The following TRIM24 variants were observed in gnomAD, a reference collection of about 807,000 sequenced individuals.
The protein encoded by TRIM24 is tripartite motif containing 24, also known as transcription intermediary factor 1-alpha.
In TRIM24, 29 loss-of-function variants were observed where a neutral mutation model predicts 123.9. That is an observed-to-expected ratio of 0.23 (90% confidence interval 0.17 to 0.32). The LOEUF (loss-of-function observed/expected upper bound fraction) is 0.32, where lower values mean the gene tolerates loss of function less well. TRIM24 is among the 10% of genes least tolerant of loss of function. The pLI is 1.00. For synonymous variants in TRIM24, 456 were observed against 461.1 expected (o/e 0.99, Z 0.14); for missense variants, 932 against 1,295.3 (o/e 0.72, Z 4.31).
chr7:138,573,417 T>A lies in TRIM24; in HGVS notation c.1879-90T>A, dbSNP rs78798846. The A allele has an allele frequency of 2.5e-5, 14 of 556,412 alleles. No homozygotes were observed. In the East Asian group the frequency reaches 5.5e-4, roughly 22 times the overall value. 34.5% of individuals were successfully genotyped at this position (556,412 alleles called of 1,614,324 possible). ...CTATGTTTTGTTATTCGATAATAATTATTAAGTTATTGAAGCTTTCTTATA... is the reference window on the plus strand; with the variant it reads ...CTATGTTTTGTTATTCGATAATAATAATTAAGTTATTGAAGCTTTCTTATA... On this transcript the variant is annotated intron_variant, in intron 11 of 18. Coordinates refer to ENST00000343526, the MANE Select transcript of TRIM24 (RefSeq NM_015905.3).
rs139713203 is a variant in TRIM24, at chr7:138,579,220, G to A, written c.2273G>A (p.Ser758Asn). Reference protein sequence around the residue: ...SRPQNANYPRSILTSLLLNSS... With the variant: ...SRPQNANYPRNILTSLLLNSS... ...CTACTACAGGCCAATTATCCAAGAA[G>A]CATACTCACCTCCCTGCTCTTAAAT... The change falls in exon 15 of 19, where the codon AGC (serine) becomes AAC (asparagine). Residue 758 changes from serine to asparagine, a missense_variant. By Grantham distance (46) the Ser-to-Asn change is conservative (BLOSUM62 1). Around this residue, in one of 7 missense-constraint regions of TRIM24, gnomAD observed 527 missense variants for 691.3 expected, o/e 0.76. Transcript: ENST00000343526. 53 of 1,582,288 alleles carry A rather than the reference G, an allele frequency of 3.3e-5. 1 individual carries two copies. In the African/African-American group the frequency reaches 4.9e-4, roughly 15 times the overall value.
rs192704279 is a variant in TRIM24, at chr7:138,554,211, A to G, written c.1262-487A>G. Among the ~76,000 whole-genome samples the G allele has an allele frequency of 3.7e-3, 568 of 152,282 alleles. 6 individuals carry two copies. The highest frequency in any genetic ancestry group is 4.3e-3 in the Non-Finnish European group (294 of 68,022). ...CTTCTTAGGCCATACAGGGTCACTC[A>G]CAGGGTACACTTAAGTTATTGCTGT... On this transcript the variant is annotated intron_variant, in intron 8 of 18. Transcript: ENST00000343526. The surrounding 1 kb of genome is among the most constrained non-coding windows in gnomAD (Gnocchi z 4.5).
chr7:138,566,226 T>C (rs992428338), intron 9 of TRIM24, among the ~76,000 whole-genome samples: 56 of 152,046 alleles, frequency 3.7e-4, no homozygotes, highest in African/African-American at 1.2e-3. Flanking sequence ...TTTGAAAATA[T>C]GTTTTCTGGC....
At chr7:138,521,337 G>C (rs1796500150) in intron 4 of TRIM24, among the ~76,000 whole-genome samples, 1 of 152,086 alleles carries the variant, frequency 6.6e-6, no homozygotes, top group Non-Finnish European at 1.5e-5. Context: ...GTACTAAAAG[G>C]GTATGGAATT....
chr7:138,485,426 C>T (rs1449170111), intron 1 of TRIM24, among the ~76,000 whole-genome samples: 3 of 151,788 alleles, frequency 2.0e-5, no homozygotes, highest in South Asian at 4.2e-4. Context: ...CATATATATG[C>T]ATGTGCCATG....
chr7:138,500,873 G>A (rs528833234), intron 1 of TRIM24, among the ~76,000 whole-genome samples: 1 of 152,120 alleles, frequency 6.6e-6, no homozygotes, highest in East Asian at 1.9e-4. Context: ...TGCACAGCAT[G>A]TTACTGTACT....
intron 3 of TRIM24, 147 bp downstream of exon 3, chr7:138,515,506 G>A (rs1796376193): frequency 2.0e-6 from 2 of 995,180 alleles, no homozygotes; most frequent in Non-Finnish European, 1.4e-6. Flanking sequence ...CGAAATTTAA[G>A]TACTTACAAA....
intron 1 of TRIM24, among the ~76,000 whole-genome samples, chr7:138,474,303 T>C (rs1418302726): frequency 6.6e-6 from 1 of 151,774 alleles, no homozygotes; most frequent in Non-Finnish European, 1.5e-5. Flanking sequence ...TTTTTTGTAT[T>C]TTTAGTAGAG....
chr7:138,564,892 C>G (rs980369531), intron 9 of TRIM24, among the ~76,000 whole-genome samples: 3 of 152,166 alleles, frequency 2.0e-5, no homozygotes, highest in African/African-American at 7.2e-5. Flanking sequence ...CCTCTCATTT[C>G]CTCCCAGTTA....
At chr7:138,498,023 T>TA (rs1409624769) in intron 1 of TRIM24, among the ~76,000 whole-genome samples, 1 of 148,952 alleles carries the variant, frequency 6.7e-6, no homozygotes, top group African/African-American at 2.5e-5. Flanking sequence ...TATTTTTACT[T>TA]ATTTATTTAT....
intron 6 of TRIM24, among the ~76,000 whole-genome samples, chr7:138,534,303 G>C (rs1355646721): frequency 6.6e-6 from 1 of 152,134 alleles, no homozygotes; most frequent in South Asian, 2.1e-4. Context: ...TAATTGTGAT[G>C]TTAGGGTGTC....
intron 1 of TRIM24, among the ~76,000 whole-genome samples, chr7:138,465,599 T>C (rs919553214): frequency 2.6e-5 from 4 of 152,204 alleles, no homozygotes; most frequent in Non-Finnish European, 5.9e-5. Flanking sequence ...CTTTACTAAC[T>C]GGCAGTATAC....
At chr7:138,521,440 A>G (rs1391735512) in intron 4 of TRIM24, among the ~76,000 whole-genome samples, 2 of 152,238 alleles carry the variant, frequency 1.3e-5, no homozygotes, top group African/African-American at 4.8e-5. Context: ...TGTCTAGAGT[A>G]GTCACTAAAA....
At chr7:138,464,253 C>T (rs1167647585) in intron 1 of TRIM24, among the ~76,000 whole-genome samples, 1 of 151,772 alleles carries the variant, frequency 6.6e-6, no homozygotes, top group Non-Finnish European at 1.5e-5. Context: ...GCCTTGGCCC[C>T]CAGAAGTGCT....
In TRIM24 at chr7:138,551,059, C is replaced by G; in HGVS notation, c.1144-4C>G. 2 of 1,609,124 alleles carry G rather than the reference C, an allele frequency of 1.2e-6. 1 individual carries two copies. The highest frequency in any genetic ancestry group is 2.2e-5 in the South Asian group (2 of 90,204). The stretch of plus-strand genomic sequence containing the variant: ...TATTTAGTTATCTCTCCTTTTTCTT[C>G]TAGATTACATACCGGTTACGGCACC... On this transcript the variant is annotated splice_polypyrimidine_tract_variant and splice_region_variant and intron_variant, in intron 7 of 18. Transcript: ENST00000343526.
chr7:138,499,977 A>T (rs887250069), intron 1 of TRIM24, among the ~76,000 whole-genome samples: 1 of 152,156 alleles, frequency 6.6e-6, no homozygotes, highest in African/African-American at 2.4e-5. Flanking sequence ...CTTGTCTGTC[A>T]TGGATGTTGG....
At chr7:138,506,891 G>A (rs964286624) in intron 2 of TRIM24, among the ~76,000 whole-genome samples, 13 of 152,116 alleles carry the variant, frequency 8.5e-5, no homozygotes, top group Admixed American at 7.9e-4. Context: ...TTAGCAAGAG[G>A]TAGTGGGAGC....
chr7:138,500,563 C>CAAA (rs773042715), intron 1 of TRIM24, among the ~76,000 whole-genome samples: 255 of 61,382 alleles, frequency 4.2e-3, no homozygotes, highest in African/African-American at 0.013. Flanking sequence ...GACCTTGTTT[C>CAAA]AAAAAAAAAA....
rs761972252 is a variant in TRIM24, at chr7:138,577,180, T to C, written c.2088-240T>C. Among the ~76,000 whole-genome samples the C allele has an allele frequency of 1.6e-4, 24 of 152,330 alleles. No homozygotes were observed. In the Middle Eastern group the frequency reaches 0.01, roughly 65 times the overall value. ...GTAAAGCCTCAGGTTTTTAAAAGTT[T>C]AGGTTTATTGAAACATCTTTCTAGA... On this transcript the variant is annotated intron_variant, in intron 13 of 18. Transcript: ENST00000343526.
Sources: gnomAD v4.1 joint callset for allele counts (sites outside exome capture counted in the v4.1 genomes callset) on GRCh38, gnomAD v4.1.1 for gene constraint, gnomAD v4.1.1 regional missense constraint, Gnocchi (gnomAD v3.1) non-coding constraint, MANE v1.5 for transcripts, NCBI Gene and HGNC (gene_info 2026-07-23, HGNC 2026-07-21) for gene names.